The following GATAD2A variants were observed in gnomAD, a reference collection of about 807,000 sequenced individuals.
GATAD2A encodes the protein GATA zinc finger domain containing 2A, also known as transcriptional repressor p66-alpha.
A neutral mutation model predicts 68.5 loss-of-function variants in GATAD2A; 12 were observed. The ratio of observed to expected loss-of-function variants is 0.18; its 90% CI spans 0.11 to 0.28. The LOEUF (loss-of-function observed/expected upper bound fraction) is 0.28. GATAD2A is among the 10% of genes least tolerant of loss of function. The probability of loss-of-function intolerance (pLI) is 1.00; values close to 1 mark genes in which losing one functional copy is unlikely to be tolerated. For missense variants in GATAD2A, 755 were observed against 868.5 expected (o/e 0.87, Z 1.64); for synonymous variants, 410 against 375.3 (o/e 1.09, Z -1.07).
intron 1 of GATAD2A, among the ~76,000 whole-genome samples, chr19:19,396,245 C>T (rs1225890497): frequency 1.3e-5 from 2 of 152,022 alleles, no homozygotes; most frequent in African/African-American, 4.8e-5. Flanking sequence ...ACCTGGAAGG[C>T]GGAGGTTGCA....
intron 2 of GATAD2A, among the ~76,000 whole-genome samples, chr19:19,485,244 C>T (rs978082956): frequency 1.3e-5 from 2 of 152,206 alleles, no homozygotes; most frequent in Admixed American, 6.5e-5. Flanking sequence ...GGGTTAGCTC[C>T]CCAGGGGCCA....
At chr19:19,476,477 C>G (rs528731658) in intron 2 of GATAD2A, among the ~76,000 whole-genome samples, 3 of 152,342 alleles carry the variant, frequency 2.0e-5, no homozygotes, top group South Asian at 2.1e-4. Context: ...GGGAGGGTGT[C>G]TGACCAGCAC....
chr19:19,452,614 G>C (rs1464705394), intron 1 of GATAD2A, among the ~76,000 whole-genome samples: 1 of 151,714 alleles, frequency 6.6e-6, no homozygotes, highest in East Asian at 2.0e-4. Context: ...CAGAATTGAA[G>C]GACCAAGGCA....
chr19:19,476,041 C>T (rs1357257244), intron 2 of GATAD2A, among the ~76,000 whole-genome samples: 1 of 152,202 alleles, frequency 6.6e-6, no homozygotes, highest in Non-Finnish European at 1.5e-5. Flanking sequence ...TGCCAGCTCC[C>T]TGTTGCCTTT....
chr19:19,506,285 G>T lies in GATAD2A; in HGVS notation c.*811G>T. 2.5e-6 allele frequency: 1 copy of T among 398,054 alleles called. No individual in the cohort carries two copies. The highest frequency in any genetic ancestry group is 4.4e-6 in the Non-Finnish European group (1 of 225,922). 24.7% of individuals were successfully genotyped at this position (398,054 alleles called of 1,614,324 possible). On this transcript the variant is annotated 3_prime_UTR_variant, in exon 12 of 12. Transcript: ENST00000683918. ...GAACAGACCCAGCCAGAGAAGCAGG[G>T]ATTCCAGAAGCTGCCCATTAAGGGA...
chr19:19,481,554 A>C (rs777398437), intron 2 of GATAD2A, among the ~76,000 whole-genome samples: 2 of 152,028 alleles, frequency 1.3e-5, no homozygotes, highest in Non-Finnish European at 2.9e-5. Flanking sequence ...TTGAACTCCA[A>C]AGCTCAGGTC....
intron 1 of GATAD2A, among the ~76,000 whole-genome samples, chr19:19,452,618 C>G (rs1303076928): frequency 6.6e-6 from 1 of 151,620 alleles, no homozygotes; most frequent in Non-Finnish European, 1.5e-5. Context: ...ATTGAAGGAC[C>G]AAGGCAGGGA....
chr19:19,408,330 C>T (rs939224168), intron 1 of GATAD2A, among the ~76,000 whole-genome samples: 3 of 152,186 alleles, frequency 2.0e-5, no homozygotes, highest in East Asian at 1.9e-4. Flanking sequence ...TTTAAAATGT[C>T]AAGTCATCTC....
chr19:19,481,377 C>G (rs950685735), intron 2 of GATAD2A, among the ~76,000 whole-genome samples: 5 of 152,222 alleles, frequency 3.3e-5, no homozygotes, highest in Non-Finnish European at 7.3e-5. Flanking sequence ...GTCTCCCAAA[C>G]TGGAATGCAG....
intron 2 of GATAD2A, among the ~76,000 whole-genome samples, chr19:19,467,782 G>A (rs754256): frequency 0.16 from 24,004 of 152,180 alleles, 2,008 homozygotes; most frequent in Middle Eastern, 0.27. Flanking sequence ...TGGTGAATTG[G>A]AATCATCAAG....
At chr19:19,472,918 C>G (rs1298717930) in intron 2 of GATAD2A, among the ~76,000 whole-genome samples, 1 of 152,198 alleles carries the variant, frequency 6.6e-6, no homozygotes, top group Non-Finnish European at 1.5e-5. Flanking sequence ...GTAATCAAGA[C>G]AGGATCTGAT....
intron 1 of GATAD2A, among the ~76,000 whole-genome samples, chr19:19,454,292 G>A (rs979075880): frequency 2.7e-5 from 4 of 145,850 alleles, no homozygotes; most frequent in Non-Finnish European, 6.0e-5. Flanking sequence ...CACCACACCC[G>A]GCTTAAAAAA....
In GATAD2A at chr19:19,389,864, G is replaced by A. The variant is rs532553569; in HGVS notation, c.-7+3726G>A. Among the ~76,000 whole-genome samples the A allele has an allele frequency of 2.6e-5, 4 of 152,246 alleles. No individual in the cohort carries two copies. The South Asian group carries it at 8.3e-4, about 32-fold the overall frequency. On this transcript the variant is annotated intron_variant, in intron 1 of 11. Transcript: ENST00000360315. ...TGCAACCTCTGCCCTACTGGCTCACGTGATCCTCCCACCTCAGCCTCTGAA... is the reference window on the plus strand; with the variant it reads ...TGCAACCTCTGCCCTACTGGCTCACATGATCCTCCCACCTCAGCCTCTGAA...
At chr19:19,413,159 T>A (rs2147142608) in intron 1 of GATAD2A, among the ~76,000 whole-genome samples, 1 of 152,344 alleles carries the variant, frequency 6.6e-6, no homozygotes, top group African/African-American at 2.4e-5. Flanking sequence ...TTGGTGGAAT[T>A]TGGTGGTAGT....
intron 1 of GATAD2A, among the ~76,000 whole-genome samples, chr19:19,418,359 A>G (rs1016584911): frequency 1.3e-5 from 2 of 152,216 alleles, no homozygotes; most frequent in Admixed American, 6.5e-5. Flanking sequence ...GTTAGGTGAA[A>G]GTGTGACAAG....
intron 1 of GATAD2A, among the ~76,000 whole-genome samples, chr19:19,386,679 G>T (rs1412371165): frequency 6.6e-6 from 1 of 151,806 alleles, no homozygotes; most frequent in African/African-American, 2.4e-5. Context: ...CCGTCTCTCC[G>T]AGGGGAGCCC....
chr19:19,429,711 C>G (rs901655584), intron 1 of GATAD2A, among the ~76,000 whole-genome samples: 1 of 151,918 alleles, frequency 6.6e-6, no homozygotes, highest in African/African-American at 2.4e-5. Context: ...CATGTACTGG[C>G]TGTCACCCTA....
At position 19,485,567 on chromosome 19, in the gene GATAD2A, G is replaced by A. The variant is rs76498657; in HGVS notation, c.270-6739G>A. On this transcript the variant is annotated intron_variant, in intron 2 of 11. Coordinates refer to ENST00000683918, the MANE Select transcript of GATAD2A (RefSeq NM_001384528.1). ...GGGCAGTCAGACCTCAGCTCTCCTA[G>A]AGCAAGCATTCCGAGGGCTCAGGCA... Among the ~76,000 whole-genome samples, 1,048 of 152,338 alleles carry A rather than the reference G, an allele frequency of 6.9e-3. 14 individuals are homozygous for A. The highest frequency in any genetic ancestry group is 0.024 in the African/African-American group (996 of 41,582).
chr19:19,453,231 C>T (rs144463236), intron 1 of GATAD2A, among the ~76,000 whole-genome samples: 7 of 152,266 alleles, frequency 4.6e-5, no homozygotes, highest in Admixed American at 1.3e-4. Flanking sequence ...TTCTCGGGCA[C>T]CTGTGCTTAG....
Sources: gnomAD v4.1 joint callset for allele counts (sites outside exome capture counted in the v4.1 genomes callset) on GRCh38, gnomAD v4.1.1 for gene constraint, MANE v1.5 for transcripts, NCBI Gene and HGNC (gene_info 2026-07-23, HGNC 2026-07-21) for gene names.